The following SPATS2 variants were observed in gnomAD, a reference collection of about 807,000 sequenced individuals.
SPATS2 encodes spermatogenesis-associated serine-rich protein 2.
A neutral mutation model predicts 63.7 loss-of-function variants in SPATS2; 38 were observed. The ratio of observed to expected loss-of-function variants is 0.60; its 90% CI spans 0.46 to 0.78. SPATS2 has a LOEUF of 0.78. SPATS2 is among the 30% of genes least tolerant of loss of function. The probability of loss-of-function intolerance (pLI) is 0.00; values close to 1 mark genes in which losing one functional copy is unlikely to be tolerated. For synonymous variants in SPATS2, 207 were observed against 232.9 expected, an observed-to-expected ratio of 0.89 and a Z score of 1.01; for missense variants, 588 against 666.2, an observed-to-expected ratio of 0.88 and a Z score of 1.29.
intron 2 of SPATS2, among the ~76,000 whole-genome samples, chr12:49,460,539 A>T (rs182998612): frequency 3.3e-5 from 5 of 152,348 alleles, no homozygotes; most frequent in Non-Finnish European, 7.3e-5. Context: ...TCAGATGGAT[A>T]CAAAAAATAA....
At chr12:49,449,057 G>A (rs910739671) in intron 2 of SPATS2, among the ~76,000 whole-genome samples, 3 of 152,220 alleles carry the variant, frequency 2.0e-5, no homozygotes, top group Admixed American at 6.5e-5. Flanking sequence ...AAAACAGGCA[G>A]TAGAGCTGAC....
chr12:49,384,557 GTA>G (rs1020111548), intron 2 of SPATS2, among the ~76,000 whole-genome samples: 5 of 152,170 alleles, frequency 3.3e-5, no homozygotes. Flanking sequence ...AAGTGTGTAT[GTA>G]TATATAAAAG....
intron 2 of SPATS2, among the ~76,000 whole-genome samples, chr12:49,416,805 G>C (rs945591689): frequency 2.0e-5 from 3 of 152,106 alleles, no homozygotes; most frequent in Non-Finnish European, 4.4e-5. Context: ...TTATGACCTA[G>C]CTTCTGAGGT....
intron 2 of SPATS2, among the ~76,000 whole-genome samples, chr12:49,435,456 G>GCTGGGA (rs1460130066): frequency 6.6e-6 from 1 of 151,792 alleles, no homozygotes; most frequent in African/African-American, 2.4e-5. Context: ...CTCCTGAGTA[G>GCTGGGA]CTGGGACTAC....
chr12:49,414,923 T>TTTTTC (rs1382172197), intron 2 of SPATS2, among the ~76,000 whole-genome samples: 92 of 128,160 alleles, frequency 7.2e-4, no homozygotes, highest in African/African-American at 1.7e-3. Flanking sequence ...TTCTTTTTCT[T>TTTTTC]TTTTTCTTTT....
At chr12:49,484,947 T>C (rs1565744528) in intron 4 of SPATS2, among the ~76,000 whole-genome samples, 10 of 152,366 alleles carry the variant, frequency 6.6e-5, no homozygotes, top group Admixed American at 3.3e-4. Flanking sequence ...TTAATATTTA[T>C]GTGGCTGAGT....
chr12:49,456,176 A>G (rs1033635745), intron 2 of SPATS2, among the ~76,000 whole-genome samples: 2 of 152,168 alleles, frequency 1.3e-5, no homozygotes, highest in African/African-American at 4.8e-5. Context: ...TACCTTTCCC[A>G]GTCACCTTGG....
chr12:49,515,225 G>T (rs558007830), intron 10 of SPATS2, among the ~76,000 whole-genome samples: 3 of 152,214 alleles, frequency 2.0e-5, no homozygotes, highest in East Asian at 1.9e-4. Flanking sequence ...CCTATTTTTT[G>T]ATCATTTCTG....
At chr12:49,449,202 GT>G (rs892135484) in intron 2 of SPATS2, among the ~76,000 whole-genome samples, 12 of 151,830 alleles carry the variant, frequency 7.9e-5, no homozygotes, top group South Asian at 4.2e-4. Flanking sequence ...TTTTCTGTCT[GT>G]TTTTTTTGTT....
At chr12:49,410,524 A>C (rs1253060978) in intron 2 of SPATS2, among the ~76,000 whole-genome samples, 1 of 152,104 alleles carries the variant, frequency 6.6e-6, no homozygotes, top group African/African-American at 2.4e-5. Flanking sequence ...TTTTCTCCCC[A>C]ACTTCTACCT....
chr12:49,436,349 G>A (rs570650432), intron 2 of SPATS2, among the ~76,000 whole-genome samples: 1 of 146,946 alleles, frequency 6.8e-6, no homozygotes, highest in South Asian at 2.2e-4. Flanking sequence ...GGGGCGGCCG[G>A]GCAGAGGCGC....
chr12:49,385,953 T>A (rs1174490927), intron 2 of SPATS2, among the ~76,000 whole-genome samples: 1 of 149,380 alleles, frequency 6.7e-6, no homozygotes, highest in African/African-American at 2.5e-5. Flanking sequence ...AACCTCTGCC[T>A]CCCAGGTTCA....
chr12:49,374,606 TATAGATGTTACTTAAAGGTAACTTCTGC>T (rs1475198548), intron 2 of SPATS2, among the ~76,000 whole-genome samples: 1 of 152,170 alleles, frequency 6.6e-6, no homozygotes, highest in Non-Finnish European at 1.5e-5. Context: ...GGTCTGAGGA[TATAGATGTTACTTAAAGGTAACTTCTGC>T]AGCCATTGTC....
chr12:49,496,326 T>C (rs1198221229), intron 7 of SPATS2, among the ~76,000 whole-genome samples: 1 of 152,232 alleles, frequency 6.6e-6, no homozygotes, highest in Non-Finnish European at 1.5e-5. Flanking sequence ...TTGCCCAAGC[T>C]GGTCTTAAAC....
chr12:49,521,972 G>C (rs1259636562), intron 11 of SPATS2, among the ~76,000 whole-genome samples: 1 of 150,742 alleles, frequency 6.6e-6, no homozygotes, highest in Admixed American at 6.6e-5. Flanking sequence ...GAGGGGTTCA[G>C]TTCTTCCAAA....
At chr12:49,394,514 T>A (rs1944475394) in intron 2 of SPATS2, among the ~76,000 whole-genome samples, 1 of 151,996 alleles carries the variant, frequency 6.6e-6, no homozygotes, top group African/African-American at 2.4e-5. Context: ...TTTATTTAGG[T>A]CTTTAATATC....
chr12:49,392,347 T>C (rs1211272317), intron 2 of SPATS2, among the ~76,000 whole-genome samples: 1 of 152,208 alleles, frequency 6.6e-6, no homozygotes, highest in Non-Finnish European at 1.5e-5. Context: ...AATAATGCTT[T>C]AAGTTATATT....
At chr12:49,481,850 T>C (rs1946212103) in intron 3 of SPATS2, among the ~76,000 whole-genome samples, 1 of 152,098 alleles carries the variant, frequency 6.6e-6, no homozygotes. Context: ...AGCAGCACTT[T>C]TTCCTTAAAA....
intron 9 of SPATS2, among the ~76,000 whole-genome samples, chr12:49,504,699 T>A (rs1301191865): frequency 6.6e-6 from 1 of 151,144 alleles, no homozygotes; most frequent in African/African-American, 2.4e-5. Context: ...GGTTTTGAAA[T>A]TTTTCCTGAT....
Sources: allele counts gnomAD v4.1 joint callset (sites outside exome capture counted in the v4.1 genomes callset), GRCh38; gene constraint gnomAD v4.1.1; transcripts MANE v1.5; gene names NCBI Gene and HGNC (gene_info 2026-07-23, HGNC 2026-07-21).